PCDHA10: variants seen among roughly 807,000 people sequenced by gnomAD.
The protein encoded by PCDHA10 is protocadherin alpha 10.
A neutral mutation model predicts 61.2 loss-of-function variants in PCDHA10; 45 were observed. That is an observed-to-expected ratio of 0.74 (90% CI 0.58 to 0.94). The LOEUF (loss-of-function observed/expected upper bound fraction) is 0.94, where lower values mean the gene tolerates loss of function less well. Among genes scored for constraint, PCDHA10 ranks in the 40% least tolerant of loss-of-function variants. PCDHA10 has a pLI of 0.00. For missense variants in PCDHA10, 1,278 were observed against 1,236.2 expected (o/e 1.03, Z -0.51); for synonymous variants, 602 against 548.8 (o/e 1.10, Z -1.35).
chr5:140,948,558 G>A (rs2094272533), intron 1 of PCDHA10, among the ~76,000 whole-genome samples: 2 of 151,514 alleles, frequency 1.3e-5, no homozygotes, highest in Admixed American at 1.3e-4. Flanking sequence ...ATTTTGTTAA[G>A]TTGTATTTTT....
At chr5:140,869,722 G>C in intron 1 of PCDHA10, 6 of 1,613,324 alleles carry the variant, frequency 3.7e-6, no homozygotes, top group Non-Finnish European at 5.1e-6. Context: ...GAAAACTCCG[G>C]AACTTAATTT....
In PCDHA10 at chr5:140,876,309, T is replaced by G. The variant is rs868927753; in HGVS notation, c.2388+17873T>G. On this transcript the variant is annotated intron_variant, in intron 1 of 3. Transcript: ENST00000307360. ...AAGGACTTAATGGAGAAATTTCCTATGGGATCAAAATGATTTTGCCAGTGA... is the reference window on the plus strand; with the variant it reads ...AAGGACTTAATGGAGAAATTTCCTAGGGGATCAAAATGATTTTGCCAGTGA... The G allele has an allele frequency of 6.2e-6, 10 of 1,614,064 alleles. No homozygotes were observed. The Admixed American group carries it at 1.7e-4, about 27-fold the overall frequency.
chr5:140,910,200 A>C (rs1471024317), intron 1 of PCDHA10, among the ~76,000 whole-genome samples: 1 of 152,200 alleles, frequency 6.6e-6, no homozygotes, highest in East Asian at 1.9e-4. Flanking sequence ...TCTTTTGTCC[A>C]CTTGACCTGG....
intron 1 of PCDHA10, chr5:140,875,192 C>T (rs2055339316): frequency 2.0e-6 from 1 of 509,102 alleles, no homozygotes. Flanking sequence ...AAGAGTGACC[C>T]AGGAAGTGGC....
At chr5:141,000,743 T>TAA (rs527867626) in intron 3 of PCDHA10, among the ~76,000 whole-genome samples, 3 of 145,408 alleles carry the variant, frequency 2.1e-5, no homozygotes, top group Admixed American at 6.9e-5. Context: ...CTCTGTATAT[T>TAA]AAAAAAAAAA....
At chr5:140,946,660 A>T (rs2094005518) in intron 1 of PCDHA10, among the ~76,000 whole-genome samples, 1 of 146,900 alleles carries the variant, frequency 6.8e-6, no homozygotes, top group African/African-American at 2.6e-5. Context: ...GCCATTAGAA[A>T]GAATGAAATC....
At chr5:140,892,927 C>G (rs1554185442) in intron 1 of PCDHA10, among the ~76,000 whole-genome samples, 1 of 152,152 alleles carries the variant, frequency 6.6e-6, no homozygotes, top group African/African-American at 2.4e-5. Context: ...CCTTCCCAGC[C>G]TCTGATAAGC....
intron 1 of PCDHA10, chr5:140,876,837 C>T (rs782753877): frequency 1.9e-6 from 3 of 1,614,148 alleles, no homozygotes; most frequent in Admixed American, 3.3e-5. Context: ...CGCCTGCGTT[C>T]GCGCAGCCCG....
At chr5:140,906,099 T>G (rs1377633678) in intron 1 of PCDHA10, among the ~76,000 whole-genome samples, 1 of 152,118 alleles carries the variant, frequency 6.6e-6, no homozygotes, top group African/African-American at 2.4e-5. Flanking sequence ...AGTAAGTGTG[T>G]CTTTCCCAGT....
In PCDHA10 at chr5:141,012,312, C is replaced by CTGT; in HGVS notation, c.*2377_*2379dup. On this transcript the variant is annotated 3_prime_UTR_variant, in exon 4 of 4. Transcript: ENST00000307360. ...TGAATTGGTGCTATTGGTATTTCCT[C>CTGT]TGTTATTGCTAATAAATGAAAATGG... The CTGT allele has an allele frequency of 6.5e-6, 1 of 153,698 alleles. No individual in the cohort carries two copies. Among genetic ancestry groups the CTGT allele is most frequent in the Middle Eastern group, 3.2e-3 (1 of 316 alleles). 9.5% of individuals were successfully genotyped at this position (153,698 alleles called of 1,614,324 possible).
At chr5:140,867,729 A>C (rs1274161997) in intron 1 of PCDHA10, 1 of 152,106 alleles carries the variant, frequency 6.6e-6, no homozygotes, top group Non-Finnish European at 1.5e-5. Context: ...AAAGACAAAG[A>C]AAATTCAAGC....
At position 140,971,724 on chromosome 5, in the gene PCDHA10, C is replaced by T. The variant is rs1489489083; in HGVS notation, c.2389-7225C>T. On this transcript the variant is annotated intron_variant, in intron 1 of 3. Coordinates refer to ENST00000307360, the MANE Select transcript of PCDHA10 (RefSeq NM_018901.4). ...CCCTGCTATATAGATATATGTATAT[C>T]ATACATATACACATACATATATCTC... 2.0e-5 allele frequency among the ~76,000 whole-genome samples: 3 copies of T among 151,776 alleles called. No homozygotes were observed. The East Asian group carries it at 5.8e-4, about 29-fold the overall frequency.
intron 1 of PCDHA10, among the ~76,000 whole-genome samples, chr5:140,925,907 C>T (rs937426015): frequency 6.6e-6 from 1 of 151,848 alleles, no homozygotes; most frequent in African/African-American, 2.4e-5. Flanking sequence ...TCGTCAAGGG[C>T]CGTTTGCAAA....
intron 1 of PCDHA10, among the ~76,000 whole-genome samples, chr5:140,934,198 A>G (rs918942390): frequency 3.7e-4 from 57 of 152,134 alleles, no homozygotes; most frequent in African/African-American, 1.3e-3. Context: ...TTTCATTTCT[A>G]TTTCCTCACA....
chr5:141,007,435 G>A (rs1342767950), intron 3 of PCDHA10, among the ~76,000 whole-genome samples: 1 of 150,972 alleles, frequency 6.6e-6, no homozygotes, highest in Non-Finnish European at 1.5e-5. Flanking sequence ...AGGCATGGTG[G>A]CATGTGCCTG....
intron 1 of PCDHA10, chr5:140,867,368 C>A (rs1036514483): frequency 6.6e-6 from 1 of 151,940 alleles, no homozygotes; most frequent in African/African-American, 2.4e-5. Context: ...TTTACAGATG[C>A]GTAATGGAAT....
At chr5:140,900,270 T>C (rs1203586696) in intron 1 of PCDHA10, among the ~76,000 whole-genome samples, 1 of 152,082 alleles carries the variant, frequency 6.6e-6, no homozygotes, top group Non-Finnish European at 1.5e-5. Flanking sequence ...ATTGTGTATA[T>C]GTACCACACT....
Position 140,857,922 on chromosome 5 carries a change from T to C in PCDHA10, c.1874T>C (p.Leu625Pro), listed in dbSNP as rs782519535. Residue 625 changes from leucine (L) to proline (P), a missense_variant, in exon 1 of 4, where the codon CTG (leucine) becomes CCG (proline). By Grantham distance (98) the Leu-to-Pro change is moderately conservative. Coordinates refer to ENST00000307360, the MANE Select transcript of PCDHA10 (RefSeq NM_018901.4). ...VGARIPFRVG[L>P]YTGEISTTRA... Reference sequence around the variant, plus strand: ...GCACGCATCCCGTTTCGCGTGGGGCTGTACACGGGCGAGATCAGTACGACG... The same window carrying C: ...GCACGCATCCCGTTTCGCGTGGGGCCGTACACGGGCGAGATCAGTACGACG... The C allele has an allele frequency of 1.9e-6, 3 of 1,597,722 alleles. No homozygotes were observed. The South Asian group carries it at 3.3e-5, about 18-fold the overall frequency.
At chr5:140,908,073 G>A (rs2153503880) in intron 1 of PCDHA10, among the ~76,000 whole-genome samples, 1 of 152,322 alleles carries the variant, frequency 6.6e-6, no homozygotes, top group Admixed American at 6.5e-5. Context: ...CATGAAAAGT[G>A]CACAACCAGG....
Sources: gnomAD v4.1 joint callset for allele counts (sites outside exome capture counted in the v4.1 genomes callset) on GRCh38, gnomAD v4.1.1 for gene constraint, MANE v1.5 for transcripts, NCBI Gene and HGNC (gene_info 2026-07-23, HGNC 2026-07-21) for gene names.